Variants in ARHGAP23 observed in about 807,000 individuals in gnomAD.
ARHGAP23 encodes the protein rho GTPase-activating protein 23.
ARHGAP23 carries 34 observed loss-of-function variants against 136.3 expected under a neutral mutation model. That is an observed-to-expected ratio of 0.25 (90% CI 0.19 to 0.33). The LOEUF is 0.33. Among genes scored for constraint, ARHGAP23 ranks in the 10% least tolerant of loss-of-function variants. The probability of loss-of-function intolerance (pLI) is 1.00; values close to 1 mark genes in which losing one functional copy is unlikely to be tolerated. For synonymous variants in ARHGAP23, 832 were observed against 920.5 expected, an observed-to-expected ratio of 0.90 and a Z score of 1.74; for missense variants, 1,808 against 2,139.0, an observed-to-expected ratio of 0.85 and a Z score of 3.05.
Position 38,485,247 on chromosome 17 carries a change from C to G in ARHGAP23, c.2908-815C>G, listed in dbSNP as rs567478396. Among the ~76,000 whole-genome samples the G allele has an allele frequency of 2.6e-4, 39 of 152,232 alleles. No individual in the cohort carries two copies. In the Middle Eastern group the frequency reaches 0.014, roughly 53 times the overall value. ...ATCCACTAGATGCAAGTGGCACCTC[C>G]CAGTTGGGAAAATCAAAATGGCTCC... On this transcript the variant is annotated intron_variant, in intron 16 of 23. Coordinates refer to ENST00000622683, the MANE Select transcript of ARHGAP23 (RefSeq NM_001199417.2).
In ARHGAP23 at chr17:38,478,945, A is replaced by G. The variant is rs1449804794; in HGVS notation, c.2437-491A>G. Among the ~76,000 whole-genome samples the G allele has an allele frequency of 4.6e-5, 7 of 152,266 alleles. No homozygotes were observed. In the South Asian group the frequency reaches 1.2e-3, roughly 27 times the overall value. On this transcript the variant is annotated intron_variant, in intron 12 of 23. Coordinates refer to ENST00000622683, the MANE Select transcript of ARHGAP23 (RefSeq NM_001199417.2). ...TAGTGCATGGCCTCTTGCTGAGGTCACATCCTCTTACTGACCAGGCTCTGC... is the reference window on the plus strand; with the variant it reads ...TAGTGCATGGCCTCTTGCTGAGGTCGCATCCTCTTACTGACCAGGCTCTGC...
rs1255035246 is a variant in ARHGAP23 at position 38,458,095 on chromosome 17, C to T, written c.64-7C>T. On this transcript the variant is annotated splice_region_variant and splice_polypyrimidine_tract_variant and intron_variant, in intron 1 of 23. Coordinates refer to ENST00000622683, the MANE Select transcript of ARHGAP23 (RefSeq NM_001199417.2). Reference sequence around the variant, plus strand: ...GGCGCTCAGCCTGGCCTCTCTGTCTCCCACAGCTGCCACTGGGCCCAAGAG... The same window carrying T: ...GGCGCTCAGCCTGGCCTCTCTGTCTTCCACAGCTGCCACTGGGCCCAAGAG... 6.5e-7 allele frequency: 1 copy of T among 1,536,034 alleles called. No individual in the cohort carries two copies. The highest frequency in any genetic ancestry group is 1.2e-5 in the South Asian group (1 of 84,062).
intron 23 of ARHGAP23, among the ~76,000 whole-genome samples, chr17:38,505,061 G>A (rs1362533859): frequency 1.6e-5 from 2 of 123,274 alleles, no homozygotes; most frequent in Non-Finnish European, 3.2e-5. Flanking sequence ...CTGGAGTGCA[G>A]TGGCCTGAAC....
chr17:38,477,529 A>C lies in ARHGAP23; in HGVS notation c.2119-50A>C. 8.2e-7 allele frequency: 1 copy of C among 1,212,860 alleles called. No homozygotes were observed. The highest frequency in any genetic ancestry group is 4.6e-5 in the Admixed American group (1 of 21,842). 75.1% of individuals were successfully genotyped at this position (1,212,860 alleles called of 1,614,324 possible). A position where few individuals can be genotyped will look rare whatever the true frequency, so the allele number is the denominator to read the frequency against. ...CTGCTACTCTGAGAGCAGTGGGCAA[A>C]ACTGGCCTCTCACCATTCCTGTCTC... is the stretch of plus-strand genomic sequence containing the variant. On this transcript the variant is annotated intron_variant, in intron 11 of 23. Transcript: ENST00000622683. This position sits in a 1 kb window ranked among gnomAD's most constrained non-coding sequence, Gnocchi z 6.6.
intron 20 of ARHGAP23, among the ~76,000 whole-genome samples, chr17:38,497,427 C>T (rs1190893796): frequency 5.3e-5 from 8 of 152,214 alleles, no homozygotes; most frequent in Non-Finnish European, 7.3e-5. Context: ...CCCCCCGGCT[C>T]GCTGTGGGGA....
Position 38,479,901 on chromosome 17 carries a change from G to T in ARHGAP23, c.2629+18G>T. The T allele has an allele frequency of 6.6e-7, 1 of 1,520,248 alleles. No individual in the cohort carries two copies. Among genetic ancestry groups the T allele is most frequent in the South Asian group, 1.2e-5 (1 of 83,476 alleles). The allele number at this position is 1,520,248 out of a possible 1,614,324, so 94.2% of individuals were successfully genotyped here. A position where few individuals can be genotyped will look rare whatever the true frequency, so the allele number is the denominator to read the frequency against. ...GAGCAAGGGTAGGAAGGTGGCCACTGAGACAGGGTGGTGTGTGGGGGCAGG... is the reference window on the plus strand; with the variant it reads ...GAGCAAGGGTAGGAAGGTGGCCACTTAGACAGGGTGGTGTGTGGGGGCAGG... On this transcript the variant is annotated intron_variant, in intron 14 of 23. Coordinates refer to ENST00000622683, the MANE Select transcript of ARHGAP23 (RefSeq NM_001199417.2).
chr17:38,479,951 G>A (rs573369945), intron 14 of ARHGAP23, 68 bp downstream of exon 14: 199 of 1,524,468 alleles, frequency 1.3e-4, no homozygotes, highest in Non-Finnish European at 1.6e-4. Flanking sequence ...GAGGGCACGC[G>A]TGTGTGTGTT....
rs1386637836 is a variant in ARHGAP23 at position 38,511,732 on chromosome 17, G to C, written c.*760G>C. The C allele has an allele frequency of 6.6e-6, 1 of 151,910 alleles. No homozygotes were observed. Among genetic ancestry groups the C allele is most frequent in the Non-Finnish European group, 1.5e-5 (1 of 68,112 alleles). The allele number at this position is 151,910 out of a possible 1,614,324, so 9.4% of individuals were successfully genotyped here. On this transcript the variant is annotated 3_prime_UTR_variant, in exon 24 of 24. Coordinates refer to ENST00000622683, the MANE Select transcript of ARHGAP23 (RefSeq NM_001199417.2). ...ACCACGGGCAGCTGCCTGTTCCCCA[G>C]ACAGTTTTTGGTGGGGGGGGTCCAG...
At chr17:38,456,739 C>T (rs944722572) in intron 1 of ARHGAP23, among the ~76,000 whole-genome samples, 1 of 152,222 alleles carries the variant, frequency 6.6e-6, no homozygotes, top group Non-Finnish European at 1.5e-5. Context: ...CACCTTCCCT[C>T]TCTGTGTCCC....
chr17:38,511,272 G>A lies in ARHGAP23; in HGVS notation c.*300G>A. 1 of 357,960 alleles carries A rather than the reference G, an allele frequency of 2.8e-6. No homozygotes were observed. The highest frequency in any genetic ancestry group is 5.0e-6 in the Non-Finnish European group (1 of 200,832). The allele number at this position is 357,960 out of a possible 1,614,324, so 22.2% of individuals were successfully genotyped here. The stretch of plus-strand genomic sequence containing the variant: ...CCGATAGGTCCTTCTGAGCCTTTCT[G>A]TGGCTGCACTTGGGGACCCTTGTGG... On this transcript the variant is annotated 3_prime_UTR_variant, in exon 24 of 24. Transcript: ENST00000622683.
chr17:38,469,320 C>T, intron 8 of ARHGAP23, 21 bp downstream of exon 8: 1 of 1,540,346 alleles, frequency 6.5e-7, no homozygotes, highest in Non-Finnish European at 8.8e-7. Flanking sequence ...CCCACACCCC[C>T]AGCCCCACCC....
intron 1 of ARHGAP23, among the ~76,000 whole-genome samples, chr17:38,422,766 G>C (rs1474684970): frequency 6.6e-6 from 1 of 152,142 alleles, no homozygotes; most frequent in Non-Finnish European, 1.5e-5. Context: ...CCCTCCCCAA[G>C]GGGTGTTCAG....
At position 38,466,833 on chromosome 17, in the gene ARHGAP23, C is replaced by T. The variant is rs914234407; in HGVS notation, c.1150C>T (p.Arg384Cys). The T allele has an allele frequency of 1.2e-5, 18 of 1,548,488 alleles. No homozygotes were observed. Among genetic ancestry groups the T allele is most frequent in the East Asian group, 7.3e-5 (3 of 40,904 alleles). ...RFERCGWASQ[R>C]SSARTPACPT... ...TGAGCGGTGTGGCTGGGCTTCCCAG[C>T]GTTCGTCTGCCCGCACCCCCGCCTG... The change falls in exon 7 of 24, where the codon CGT becomes TGT. Residue 384 changes from arginine (R) to cysteine (C), a missense_variant. Arg to Cys is a radical substitution (Grantham distance 180, BLOSUM62 -3). Around this residue, in one of 7 missense-constraint regions of ARHGAP23, gnomAD observed 859 missense variants for 936.4 expected, o/e 0.92. Transcript: ENST00000622683.
chr17:38,469,308 T>A lies in ARHGAP23; in HGVS notation c.1804+9T>A. The stretch of plus-strand genomic sequence containing the variant: ...TTACTCGCAGGACTGCAGTGAGCAC[T>A]CCCCACACCCCCAGCCCCACCCTCT... On this transcript the variant is annotated intron_variant, in intron 8 of 23. Coordinates refer to ENST00000622683, the MANE Select transcript of ARHGAP23 (RefSeq NM_001199417.2). The A allele has an allele frequency of 1.3e-6, 2 of 1,546,908 alleles. No homozygotes were observed. Among genetic ancestry groups the A allele is most frequent in the East Asian group, 2.4e-5 (1 of 40,870 alleles).
intron 1 of ARHGAP23, among the ~76,000 whole-genome samples, chr17:38,452,640 G>T (rs956058139): frequency 1.3e-5 from 2 of 152,194 alleles, no homozygotes; most frequent in Admixed American, 1.3e-4. Context: ...TGAGGCCATA[G>T]AAATGGCCCC....
Position 38,477,590 on chromosome 17 carries a change from C to T in ARHGAP23, c.2130C>T (p.Ser710=), listed in dbSNP as rs1197394094. The change falls in exon 12 of 24, where the codon AGC becomes AGT. Residue 710 remains serine, a synonymous_variant. Transcript: ENST00000622683. This position sits in a 1 kb window ranked among gnomAD's most constrained non-coding sequence, Gnocchi z 6.6. ...ILTKKGKKAG[S]GLRQWKRVYA... ...GTGTCTCCCTGCAGAAAGCGGGCAG[C>T]GGCCTGCGCCAGTGGAAGCGGGTGT... 8.0e-5 allele frequency: 102 copies of T among 1,270,350 alleles called. No individual in the cohort carries two copies. Among genetic ancestry groups the T allele is most frequent in the Non-Finnish European group, 9.5e-5 (95 of 1,004,730 alleles). 78.7% of individuals were successfully genotyped at this position (1,270,350 alleles called of 1,614,324 possible). A position where few individuals can be genotyped will look rare whatever the true frequency, so the allele number is the denominator to read the frequency against.
chr17:38,510,901 G>T lies in ARHGAP23; in HGVS notation c.4405G>T (p.Gly1469Trp). ...CGCTGCCTCGCAGCCGCCCGCGCCC[G>T]GGGACACGGGGTCCCTGCAGAGCCA... ...SSAASQPPAPGDTGSLQSQPP... is the reference protein window; with the variant it reads ...SSAASQPPAPWDTGSLQSQPP... Residue 1469 changes from glycine to tryptophan, a missense_variant, in exon 24 of 24, where the codon GGG becomes TGG. Transcript: ENST00000622683. This position sits in a 1 kb window ranked among gnomAD's most constrained non-coding sequence, Gnocchi z 4.6. 2.7e-6 allele frequency: 4 copies of T among 1,489,886 alleles called. No individual in the cohort carries two copies. The highest frequency in any genetic ancestry group is 2.8e-5 in the East Asian group (1 of 35,766). The allele number at this position is 1,489,886 out of a possible 1,614,324, so 92.3% of individuals were successfully genotyped here. A position where few individuals can be genotyped will look rare whatever the true frequency, so the allele number is the denominator to read the frequency against.
rs2039372763 is a variant in ARHGAP23 at position 38,458,126 on chromosome 17, T to A, written c.88T>A (p.Cys30Ser). The stretch of plus-strand genomic sequence containing the variant: ...GCTGCCACTGGGCCCAAGAGATGGG[T>A]GCTCTCCTAGGCGCCCCTTCCCCTG... ...PQLPLGPRDG[C>S]SPRRPFPWQG... The change falls in exon 2 of 24, where the codon TGC (cysteine) becomes AGC (serine). Residue 30 changes from cysteine (C) to serine (S), a missense_variant. Transcript: ENST00000622683. The A allele has an allele frequency of 6.5e-7, 1 of 1,536,044 alleles. No individual in the cohort carries two copies. Among genetic ancestry groups the A allele is most frequent in the Non-Finnish European group, 8.7e-7 (1 of 1,146,882 alleles).
chr17:38,461,287 G>A (rs1381251150), intron 3 of ARHGAP23, among the ~76,000 whole-genome samples: 2 of 152,240 alleles, frequency 1.3e-5, no homozygotes, highest in Non-Finnish European at 2.9e-5. Flanking sequence ...CAGGGCTGCA[G>A]GGCCTGGGGG....
Sources: gnomAD v4.1 joint callset for allele counts (sites outside exome capture counted in the v4.1 genomes callset) on GRCh38, gnomAD v4.1.1 for gene constraint, gnomAD v4.1.1 regional missense constraint, Gnocchi (gnomAD v3.1) non-coding constraint, MANE v1.5 for transcripts, NCBI Gene and HGNC (gene_info 2026-07-23, HGNC 2026-07-21) for gene names.